Variants in CCDC33 observed in about 807,000 individuals in gnomAD.
CCDC33 encodes the protein coiled-coil domain containing 33.
In CCDC33, 94 loss-of-function variants were observed where a neutral mutation model predicts 91.9. That is an observed-to-expected ratio of 1.02 (90% confidence interval 0.87 to 1.21). CCDC33 has a LOEUF of 1.21. CCDC33 is among the 50% of genes most tolerant of loss of function. The pLI is 0.00. For synonymous variants in CCDC33, 396 were observed against 374.5 expected (o/e 1.06, Z -0.66); for missense variants, 940 against 935.5 (o/e 1.00, Z -0.06).
Position 74,268,454 on chromosome 15 carries a change from T to C in CCDC33, c.542T>C (p.Leu181Pro), listed in dbSNP as rs2076227704. The C allele has an allele frequency of 6.9e-7, 1 of 1,449,142 alleles. No homozygotes were observed. The allele number at this position is 1,449,142 out of a possible 1,614,324, so 89.8% of individuals were successfully genotyped here. The change falls in exon 5 of 19, where the codon CTG becomes CCG. Residue 181 changes from leucine (L) to proline (P), a missense_variant. By Grantham distance (98) the Leu-to-Pro change is moderately conservative (BLOSUM62 -3). Coordinates refer to ENST00000398814, the MANE Select transcript of CCDC33 (RefSeq NM_025055.5). ...PRYIGCNHMA[L>P]EIFLRGVNEP... ...TACATCGGCTGCAACCACATGGCTC[T>C]GGAGGTACCAGGGCTGGGGCCCTCT... is the stretch of plus-strand genomic sequence containing the variant.
chr15:74,327,030 G>T (rs1415659938), intron 11 of CCDC33, among the ~76,000 whole-genome samples: 3 of 152,172 alleles, frequency 2.0e-5, no homozygotes, highest in African/African-American at 7.2e-5. Context: ...GGAAGCCGAG[G>T]AGGGAAAGCA....
At chr15:74,328,272 T>A (rs2060351302) in intron 11 of CCDC33, among the ~76,000 whole-genome samples, 1 of 152,312 alleles carries the variant, frequency 6.6e-6, no homozygotes, top group South Asian at 2.1e-4. Flanking sequence ...GGGTCTGACC[T>A]GTTGATTAAA....
At chr15:74,326,560 T>C (rs1391475996) in intron 11 of CCDC33, among the ~76,000 whole-genome samples, 1 of 152,200 alleles carries the variant, frequency 6.6e-6, no homozygotes, top group African/African-American at 2.4e-5. Context: ...CAGCGCTCAG[T>C]GGCAGTGGGG....
At chr15:74,307,545 C>T (rs970314385) in intron 11 of CCDC33, among the ~76,000 whole-genome samples, 7 of 151,974 alleles carry the variant, frequency 4.6e-5, no homozygotes, top group Admixed American at 4.6e-4. Flanking sequence ...CTTGGCCGAG[C>T]CTGGTGACTT....
intron 2 of CCDC33, among the ~76,000 whole-genome samples, chr15:74,224,233 T>C (rs1451668633): frequency 6.6e-6 from 1 of 152,100 alleles, no homozygotes; most frequent in East Asian, 1.9e-4. Context: ...CCTCCCACCC[T>C]GTCAGGGAGA....
intron 2 of CCDC33, among the ~76,000 whole-genome samples, chr15:74,252,303 C>T (rs1163378774): frequency 6.6e-6 from 1 of 152,090 alleles, no homozygotes; most frequent in Non-Finnish European, 1.5e-5. Flanking sequence ...AGTCAAGGAC[C>T]CCTGAAGGCA....
intron 2 of CCDC33, chr15:74,209,632 T>C (rs2074339321): frequency 1.7e-6 from 1 of 594,668 alleles, no homozygotes; most frequent in African/African-American, 1.9e-5. Flanking sequence ...GGAGTCCTGC[T>C]CTTCACCCCA....
intron 10 of CCDC33, among the ~76,000 whole-genome samples, chr15:74,289,294 G>A (rs1466500286): frequency 1.3e-5 from 2 of 152,226 alleles, no homozygotes; most frequent in East Asian, 1.9e-4. Context: ...AGTCCTCAAT[G>A]TACCCTGCCC....
upstream of CCDC33, among the ~76,000 whole-genome samples, chr15:74,233,639 G>C (rs1317470472): frequency 1.3e-5 from 2 of 151,974 alleles, no homozygotes; most frequent in Non-Finnish European, 2.9e-5. Flanking sequence ...ACCCAGAGCT[G>C]CACTAGAGAG....
chr15:74,271,436 A>C (rs1379413691), intron 5 of CCDC33, among the ~76,000 whole-genome samples: 2 of 152,148 alleles, frequency 1.3e-5, no homozygotes, highest in Non-Finnish European at 2.9e-5. Flanking sequence ...TCCCCAAAGA[A>C]ACTAGTGTAA....
intron 6 of CCDC33, 102 bp from the exon 7 acceptor site, chr15:74,272,669 C>G: frequency 1.3e-6 from 2 of 1,482,098 alleles, no homozygotes; most frequent in East Asian, 4.6e-5. Context: ...ATCCCTGCAA[C>G]TCCCTTCTCT....
chr15:74,250,444 C>A (rs2075672501), intron 2 of CCDC33, among the ~76,000 whole-genome samples: 2 of 152,220 alleles, frequency 1.3e-5, no homozygotes, highest in Admixed American at 6.5e-5. Flanking sequence ...CCCTCCCACC[C>A]TAGGCATTCT....
At chr15:74,247,797 CT>C (rs2075584825) in intron 2 of CCDC33, among the ~76,000 whole-genome samples, 1 of 152,154 alleles carries the variant, frequency 6.6e-6, no homozygotes, top group Admixed American at 6.5e-5. Context: ...TATATTGTGG[CT>C]GGGCACGGTG....
chr15:74,291,652 C>T (rs551807906), intron 10 of CCDC33, among the ~76,000 whole-genome samples: 11 of 152,384 alleles, frequency 7.2e-5, no homozygotes, highest in African/African-American at 2.2e-4. Context: ...CGGGCACTTT[C>T]AGCACCAAGG....
chr15:74,227,794 A>G lies in CCDC33; in HGVS notation c.675+8933A>G, dbSNP rs186944351. On this transcript the variant is annotated intron_variant, in intron 2 of 2. Coordinates refer to the CCDC33 transcript ENST00000635913. ...TGCAATAGGTGTTCCTGAGCAAGTC[A>G]TTTTACTTCTCTGACTATTTTCTCA... Among the ~76,000 whole-genome samples the G allele has an allele frequency of 2.6e-5, 4 of 152,266 alleles. No homozygotes were observed. The East Asian group carries it at 7.7e-4, about 29-fold the overall frequency.
chr15:74,315,796 G>A (rs2060078130), intron 11 of CCDC33, among the ~76,000 whole-genome samples: 2 of 152,346 alleles, frequency 1.3e-5, no homozygotes, highest in South Asian at 4.1e-4. Flanking sequence ...GCCACAGGAA[G>A]TGGCTGGCGT....
At chr15:74,330,618 G>A (rs2060411168) in intron 12 of CCDC33, 45 bp from the exon 13 acceptor site, 1 of 1,472,804 alleles carries the variant, frequency 6.8e-7, no homozygotes, top group Admixed American at 1.7e-5. Flanking sequence ...GATTTGAGCT[G>A]GGAGAGGCTT....
At chr15:74,283,227 G>T (rs1003633201) in intron 10 of CCDC33, among the ~76,000 whole-genome samples, 1 of 152,168 alleles carries the variant, frequency 6.6e-6, no homozygotes, top group African/African-American at 2.4e-5. Flanking sequence ...TGGAGAAAAA[G>T]GTCACAAACT....
At chr15:74,266,096 A>C (rs1246883201) in intron 3 of CCDC33, among the ~76,000 whole-genome samples, 2 of 152,232 alleles carry the variant, frequency 1.3e-5, no homozygotes, top group African/African-American at 2.4e-5. Context: ...GTGTTTACTA[A>C]GTGGTGCATT....
Sources: allele counts gnomAD v4.1 joint callset (sites outside exome capture counted in the v4.1 genomes callset), GRCh38; gene constraint gnomAD v4.1.1; transcripts MANE v1.5; gene names NCBI Gene and HGNC (gene_info 2026-07-23, HGNC 2026-07-21).